PODXL: variants seen among roughly 807,000 people sequenced by gnomAD.
PODXL encodes podocalyxin.
PODXL carries 20 observed loss-of-function variants against 48.9 expected under a neutral mutation model. The ratio of observed to expected loss-of-function variants is 0.41; its 90% confidence interval spans 0.29 to 0.59. The LOEUF (loss-of-function observed/expected upper bound fraction) is 0.59, where lower values mean the gene tolerates loss of function less well. PODXL is among the 20% of genes least tolerant of loss of function. PODXL has a pLI of 0.31. For missense variants in PODXL, 606 were observed against 675.1 expected (o/e 0.90, Z 1.13); for synonymous variants, 295 against 287.4 (o/e 1.03, Z -0.27).
At chr7:131,534,561 G>C (rs576291422) in intron 1 of PODXL, among the ~76,000 whole-genome samples, 1 of 152,172 alleles carries the variant, frequency 6.6e-6, no homozygotes, top group Non-Finnish European at 1.5e-5. Flanking sequence ...GGGGTCAGGA[G>C]GGGGCTGGAG....
intron 1 of PODXL, among the ~76,000 whole-genome samples, chr7:131,515,511 C>T (rs1216367700): frequency 1.3e-5 from 2 of 152,116 alleles, no homozygotes; most frequent in Non-Finnish European, 2.9e-5. Flanking sequence ...AAGCAATTCT[C>T]CTGCCTCAGC....
At chr7:131,554,950 G>T (rs1216415720) in intron 1 of PODXL, among the ~76,000 whole-genome samples, 1 of 152,102 alleles carries the variant, frequency 6.6e-6, no homozygotes, top group African/African-American at 2.4e-5. Context: ...TCCTCACACT[G>T]CAGCCCCTCT....
At position 131,502,223 on chromosome 7, in the gene PODXL, C is replaced by T. The variant is rs981463788; in HGVS notation, c.*2088G>A. The T allele has an allele frequency of 6.6e-6, 1 of 152,352 alleles. No individual in the cohort carries two copies. Among genetic ancestry groups the T allele is most frequent in the Middle Eastern group, 3.4e-3 (1 of 296 alleles). 9.4% of individuals were successfully genotyped at this position (152,352 alleles called of 1,614,324 possible). The stretch of plus-strand genomic sequence containing the variant: ...CAGAAAACCTACTGGGTGGAGAGAA[C>T]CCAGCGCTGGGCAAGAAGGAAGCAA... On this transcript the variant is annotated 3_prime_UTR_variant, in exon 9 of 9. Coordinates refer to ENST00000378555, the MANE Select transcript of PODXL (RefSeq NM_001018111.3).
At chr7:131,528,334 T>C (rs1259971841) in intron 1 of PODXL, among the ~76,000 whole-genome samples, 1 of 152,088 alleles carries the variant, frequency 6.6e-6, no homozygotes, top group African/African-American at 2.4e-5. Flanking sequence ...TATAGTGATA[T>C]AGATAGAAAA....
chr7:131,532,125 T>TAA (rs1798289663), intron 1 of PODXL, among the ~76,000 whole-genome samples: 1 of 145,982 alleles, frequency 6.9e-6, no homozygotes, highest in Admixed American at 6.8e-5. Context: ...ATAATAATAA[T>TAA]CATCATCATC....
chr7:131,511,038 C>T lies in PODXL; in HGVS notation c.496G>A (p.Val166Met). Residue 166 changes from valine (V) to methionine (M), a missense_variant, in exon 2 of 9, where the codon GTG (valine) becomes ATG (methionine). Physicochemically the swap from Val to Met is conservative, Grantham distance 21. Transcript: ENST00000378555. Reference sequence around the variant, plus strand: ...TTAGTGGATGTGAGGTCTGTGGTCACACTGTGGCTGCTTTTCCCCCCAGAG... The same window carrying T: ...TTAGTGGATGTGAGGTCTGTGGTCATACTGTGGCTGCTTTTCCCCCCAGAG... The part of the protein sequence containing the change: ...TNSGGKSSHS[V>M]TTDLTSTKAE... The T allele has an allele frequency of 6.2e-7, 1 of 1,614,158 alleles. No homozygotes were observed. The highest frequency in any genetic ancestry group is 1.1e-5 in the South Asian group (1 of 91,080).
rs1179496969 is a variant in PODXL at position 131,508,716 on chromosome 7, AG to A, written c.1101+234del. Among the ~76,000 whole-genome samples, 105 of 59,686 alleles carry A rather than the reference AG, an allele frequency of 1.8e-3. 1 individual carries two copies. The highest frequency in any genetic ancestry group is 5.9e-3 in the African/African-American group (89 of 15,156). The allele number at this position is 59,686 out of a possible 152,430, so 39.2% of individuals were successfully genotyped here. ...AAAGCCGAGGAAACCGGGGGGTGGGAGGGGGGGGTCCAGTCCTGTGGGTGTG... is the reference window on the plus strand; with the variant it reads ...AAAGCCGAGGAAACCGGGGGGTGGGAGGGGGGGTCCAGTCCTGTGGGTGTG... On this transcript the variant is annotated intron_variant, in intron 5 of 8. Coordinates refer to ENST00000378555, the MANE Select transcript of PODXL (RefSeq NM_001018111.3).
At chr7:131,541,846 G>A (rs1255713305) in intron 1 of PODXL, among the ~76,000 whole-genome samples, 1 of 152,150 alleles carries the variant, frequency 6.6e-6, no homozygotes, top group East Asian at 1.9e-4. Flanking sequence ...AGTTCGTCAA[G>A]GAAGCCCGGT....
chr7:131,509,458 C>T lies in PODXL; in HGVS notation c.930G>A (p.Leu310=), dbSNP rs143144753. 6.5e-5 allele frequency: 105 copies of T among 1,613,884 alleles called. No homozygotes were observed. In the Middle Eastern group the frequency reaches 2.1e-3, roughly 33 times the overall value. Reference sequence around the variant, plus strand: ...TGGGGCTGGAGCTCATGGTCTCTGGCAGGGTAGGTGTTCTCAATGCCGTTG... The same window carrying T: ...TGGGGCTGGAGCTCATGGTCTCTGGTAGGGTAGGTGTTCTCAATGCCGTTG... ...SPATALRTPT[L]PETMSSSPTA... is the part of the protein sequence containing the mutation. The change falls in exon 4 of 9, where the codon CTG becomes CTA. Residue 310 remains leucine (L), a synonymous_variant. Coordinates refer to ENST00000378555, the MANE Select transcript of PODXL (RefSeq NM_001018111.3).
intron 1 of PODXL, among the ~76,000 whole-genome samples, chr7:131,536,399 G>A (rs1798374130): frequency 6.6e-6 from 1 of 152,206 alleles, no homozygotes; most frequent in African/African-American, 2.4e-5. Context: ...GGCAGATGCT[G>A]AGGCTTCTGT....
intron 7 of PODXL, 105 bp downstream of exon 7, chr7:131,506,155 T>C: frequency 6.5e-7 from 1 of 1,541,206 alleles, no homozygotes; most frequent in Middle Eastern, 1.8e-4. Context: ...CTCTTCTACA[T>C]GCAGGCACAT....
At chr7:131,513,766 T>A (rs1321633171) in intron 1 of PODXL, among the ~76,000 whole-genome samples, 5 of 152,196 alleles carry the variant, frequency 3.3e-5, no homozygotes, top group African/African-American at 1.2e-4. Flanking sequence ...ACAGCCTGGC[T>A]TGAGTGAGGT....
chr7:131,511,274 C>T lies in PODXL; in HGVS notation c.260G>A (p.Ser87Asn), dbSNP rs1298435600. ...SVKATTLGVS[S>N]DSPGTTTLAQ... ...CAGGGTTGTAGTCCCCGGTGAGTCA[C>T]TGGATACACCAAGGGTGGTCGCCTT... The change falls in exon 2 of 9, where the codon AGT becomes AAT. Residue 87 changes from serine to asparagine, a missense_variant. Ser to Asn is a conservative substitution (Grantham distance 46). Coordinates refer to ENST00000378555, the MANE Select transcript of PODXL (RefSeq NM_001018111.3). 35 of 1,613,928 alleles carry T rather than the reference C, an allele frequency of 2.2e-5. No homozygotes were observed. Among genetic ancestry groups the T allele is most frequent in the Non-Finnish European group, 2.9e-5 (34 of 1,179,960 alleles).
In PODXL at chr7:131,526,739, C is replaced by CTTTTTTTTTTTTT. The variant is rs57935236; in HGVS notation, c.101-15319_101-15307dup. 4.4e-4 allele frequency among the ~76,000 whole-genome samples: 40 copies of CTTTTTTTTTTTTT among 90,512 alleles called. 1 individual carries two copies. The highest frequency in any genetic ancestry group is 8.9e-4 in the East Asian group (2 of 2,242). The allele number at this position is 90,512 out of a possible 152,430, so 59.4% of individuals were successfully genotyped here. On this transcript the variant is annotated intron_variant, in intron 1 of 8. Coordinates refer to ENST00000378555, the MANE Select transcript of PODXL (RefSeq NM_001018111.3). ...TTGTTCAATCCACAACTTCCTTACT[C>CTTTTTTTTTTTTT]TTTTTTTTTTTTTTTTTTTTGAGAC...
intron 1 of PODXL, among the ~76,000 whole-genome samples, chr7:131,514,315 G>A (rs897631360): frequency 6.6e-6 from 1 of 152,164 alleles, no homozygotes; most frequent in Non-Finnish European, 1.5e-5. Context: ...TCAGGAGGCT[G>A]AGGCAGGAGA....
intron 1 of PODXL, among the ~76,000 whole-genome samples, chr7:131,522,618 C>G (rs1013050425): frequency 6.6e-6 from 1 of 152,106 alleles, no homozygotes; most frequent in Non-Finnish European, 1.5e-5. Flanking sequence ...TGAAGCCCAG[C>G]CTAACTCGTG....
intron 1 of PODXL, among the ~76,000 whole-genome samples, chr7:131,534,304 G>A (rs913958425): frequency 2.0e-5 from 3 of 152,244 alleles, no homozygotes; most frequent in Non-Finnish European, 2.9e-5. Context: ...TCCTGGAGAA[G>A]GAAAGGAAAC....
chr7:131,507,221 C>T (rs10240699), intron 5 of PODXL, among the ~76,000 whole-genome samples: 2,405 of 152,296 alleles, frequency 0.016, 44 homozygotes, highest in African/African-American at 0.052. Context: ...GGGTCTCTAC[C>T]CCCAAAGCTG....
chr7:131,523,694 A>C (rs1161103860), intron 1 of PODXL, among the ~76,000 whole-genome samples: 2 of 103,620 alleles, frequency 1.9e-5, no homozygotes, highest in Non-Finnish European at 3.3e-5. Context: ...AAAAAAAAAA[A>C]AAAAAAAACA....
Sources: allele counts gnomAD v4.1 joint callset (sites outside exome capture counted in the v4.1 genomes callset), GRCh38; gene constraint gnomAD v4.1.1; transcripts MANE v1.5; gene names NCBI Gene and HGNC (gene_info 2026-07-23, HGNC 2026-07-21).